IL7R: variants seen among roughly 807,000 people sequenced by gnomAD.
The protein encoded by IL7R is interleukin-7 receptor subunit alpha.
In IL7R, 38 loss-of-function variants were observed where a neutral mutation model predicts 47.0. The observed-to-expected ratio is 0.81, with a 90% confidence interval of 0.62 to 1.06. IL7R has a LOEUF of 1.06. Ranked by LOEUF, IL7R falls within the 50% of genes least tolerant of loss-of-function variation. IL7R has a pLI of 0.00. For missense variants in IL7R, 633 were observed against 534.8 expected, an observed-to-expected ratio of 1.18 and a Z score of -1.81; for synonymous variants, 221 against 199.8, an observed-to-expected ratio of 1.11 and a Z score of -0.89.
chr5:35,861,045 A>G (rs1244856550), intron 2 of IL7R, 55 bp downstream of exon 2: 7 of 1,561,716 alleles, frequency 4.5e-6, no homozygotes, highest in East Asian at 4.5e-5. Flanking sequence ...CTCTTTTCAT[A>G]TGCTCTTTTT....
At chr5:35,870,987 G>A in intron 3 of IL7R, 69 bp from the exon 4 acceptor site, 1 of 1,403,750 alleles carries the variant, frequency 7.1e-7, no homozygotes, top group South Asian at 1.2e-5. Context: ...CAGAGGAGAT[G>A]AATTTTAAAT....
At chr5:35,864,002 AT>A (rs1249298129) in intron 2 of IL7R, among the ~76,000 whole-genome samples, 1 of 152,064 alleles carries the variant, frequency 6.6e-6, no homozygotes, top group Non-Finnish European at 1.5e-5. Flanking sequence ...TATAGAACTT[AT>A]TTTTCCCCTA....
rs9282748 is a variant in IL7R at position 35,868,942 on chromosome 5, C to T, written c.379+1479C>T. On this transcript the variant is annotated intron_variant, in intron 3 of 7. Transcript: ENST00000303115. Reference sequence around the variant, plus strand: ...GCAAATCTGACATGCCTCCTCCGAACGGCAAGGGGGAGAGGTACGTATGGT... The same window carrying T: ...GCAAATCTGACATGCCTCCTCCGAATGGCAAGGGGGAGAGGTACGTATGGT... Among the ~76,000 whole-genome samples, 942 of 152,232 alleles carry T rather than the reference C, an allele frequency of 6.2e-3. 13 individuals carry two copies. The highest frequency in any genetic ancestry group is 0.022 in the African/African-American group (900 of 41,538).
At chr5:35,875,937 G>C in intron 7 of IL7R, 46 bp from the exon 8 acceptor site, 1 of 1,594,726 alleles carries the variant, frequency 6.3e-7, no homozygotes, top group Non-Finnish European at 8.5e-7. Context: ...TTGATGGTGT[G>C]TCTCTCTGGT....
intron 3 of IL7R, among the ~76,000 whole-genome samples, chr5:35,868,749 A>G (rs1267885416): frequency 6.6e-6 from 1 of 152,158 alleles, no homozygotes; most frequent in Non-Finnish European, 1.5e-5. Context: ...AAGGTCCTGG[A>G]GCATCAGGGG....
intron 4 of IL7R, chr5:35,873,141 C>T (rs371859387): frequency 3.1e-6 from 1 of 323,966 alleles, no homozygotes. Flanking sequence ...CTAACCTAAC[C>T]TAACCTTTCA....
Position 35,873,627 on chromosome 5 carries a change from C to A in IL7R, c.685C>A (p.Pro229Thr), listed in dbSNP as rs774177784. 17 of 1,613,832 alleles carry A rather than the reference C, an allele frequency of 1.1e-5. No individual in the cohort carries two copies. Among genetic ancestry groups the A allele is most frequent in the Non-Finnish European group, 1.4e-5 (17 of 1,179,878 alleles). The change falls in exon 5 of 8, where the codon CCA becomes ACA. Residue 229 changes from proline to threonine, a missense_variant. Transcript: ENST00000303115. The stretch of plus-strand genomic sequence containing the variant: ...GAGTCCAAGTTATTACTTCAGAACT[C>A]CAGAGATCAATAATAGCTCAGGTAA... Reference protein sequence around the residue: ...EWSPSYYFRTPEINNSSGEMD... With the variant: ...EWSPSYYFRTTEINNSSGEMD...
At chr5:35,858,461 A>T (rs777049865) in intron 1 of IL7R, among the ~76,000 whole-genome samples, 1 of 152,184 alleles carries the variant, frequency 6.6e-6, no homozygotes, top group Non-Finnish European at 1.5e-5. Context: ...CTTCTAGATG[A>T]CACTGGCTTG....
chr5:35,861,285 A>G (rs1487006806), intron 2 of IL7R, among the ~76,000 whole-genome samples: 2 of 151,934 alleles, frequency 1.3e-5, no homozygotes, highest in Non-Finnish European at 2.9e-5. Context: ...CTCCTACAAC[A>G]CTTCTCACCA....
Position 35,876,832 on chromosome 5 carries a change from G to A in IL7R, c.*346G>A, listed in dbSNP as rs200767455. ...AGAGCATGAGAGGAAAGAAAGAAAGGAAAATAAAAAATGATAGTTGCCATT... is the reference window on the plus strand; with the variant it reads ...AGAGCATGAGAGGAAAGAAAGAAAGAAAAATAAAAAATGATAGTTGCCATT... On this transcript the variant is annotated 3_prime_UTR_variant, in exon 8 of 8. Coordinates refer to ENST00000303115, the MANE Select transcript of IL7R (RefSeq NM_002185.5). The A allele has an allele frequency of 5.8e-6, 2 of 346,500 alleles. No homozygotes were observed. The highest frequency in any genetic ancestry group is 2.1e-5 in the African/African-American group (1 of 47,308). The allele number at this position is 346,500 out of a possible 1,614,324, so 21.5% of individuals were successfully genotyped here. A position where few individuals can be genotyped will look rare whatever the true frequency, so the allele number is the denominator to read the frequency against.
intron 1 of IL7R, 142 bp from the exon 2 acceptor site, chr5:35,860,709 TG>T (rs1310498868): frequency 1.1e-6 from 1 of 874,172 alleles, no homozygotes; most frequent in East Asian, 2.5e-5. Context: ...TCTTTGCCCT[TG>T]GGCTTTTCTT....
At chr5:35,874,948 C>A (rs1760167901) in intron 6 of IL7R, among the ~76,000 whole-genome samples, 1 of 152,154 alleles carries the variant, frequency 6.6e-6, no homozygotes, top group African/African-American at 2.4e-5. Context: ...ATGTTTTAAA[C>A]ATGCACTTGT....
chr5:35,874,525 T>C lies in IL7R; in HGVS notation c.783T>C (p.Cys261=). The change falls in exon 6 of 8, where the codon TGT becomes TGC. Residue 261 remains cysteine, a synonymous_variant. Coordinates refer to ENST00000303115, the MANE Select transcript of IL7R (RefSeq NM_002185.5). ...FSVALLVILA[C]VLWKKRIKPI... is the part of the protein sequence containing the mutation. Reference sequence around the variant, plus strand: ...TCGCTCTGTTGGTCATCTTGGCCTGTGTGTTATGGAAAAAAAGGTGACCTT... The same window carrying C: ...TCGCTCTGTTGGTCATCTTGGCCTGCGTGTTATGGAAAAAAAGGTGACCTT... 6.2e-7 allele frequency: 1 copy of C among 1,612,720 alleles called. No homozygotes were observed. Among genetic ancestry groups the C allele is most frequent in the Non-Finnish European group, 8.5e-7 (1 of 1,178,726 alleles).
intron 1 of IL7R, among the ~76,000 whole-genome samples, chr5:35,859,876 T>C (rs960350257): frequency 1.3e-5 from 2 of 152,156 alleles, no homozygotes; most frequent in Non-Finnish European, 2.9e-5. Context: ...TTGAGCACTC[T>C]GAGAATGGCT....
At chr5:35,866,221 T>G (rs1285845613) in intron 2 of IL7R, among the ~76,000 whole-genome samples, 1 of 152,172 alleles carries the variant, frequency 6.6e-6, no homozygotes, top group Non-Finnish European at 1.5e-5. Context: ...CAAATTATAT[T>G]GATTAATTTT....
rs111370546 is a variant in IL7R, at chr5:35,867,471, G to A, written c.379+8G>A. ...TAGACCTAACCACTATAGGTAAGAA[G>A]TTGTATATAAAAGTATGGTTGTCAC... On this transcript the variant is annotated splice_region_variant and intron_variant, in intron 3 of 7. Coordinates refer to ENST00000303115, the MANE Select transcript of IL7R (RefSeq NM_002185.5). The A allele has an allele frequency of 1.2e-5, 20 of 1,610,042 alleles. No individual in the cohort carries two copies. In the East Asian group the frequency reaches 2.5e-4, roughly 20 times the overall value.
chr5:35,873,977 G>A (rs775480977), intron 5 of IL7R, among the ~76,000 whole-genome samples: 12 of 152,236 alleles, frequency 7.9e-5, no homozygotes, highest in Non-Finnish European at 1.6e-4. Context: ...CTGTCTCTAA[G>A]GCCCCTTTAA....
At chr5:35,864,039 G>T (rs1394605151) in intron 2 of IL7R, among the ~76,000 whole-genome samples, 1 of 151,984 alleles carries the variant, frequency 6.6e-6, no homozygotes, top group African/African-American at 2.4e-5. Context: ...TTCCTTTCCA[G>T]TCAATCTTCA....
At chr5:35,872,118 A>G (rs1007217107) in intron 4 of IL7R, among the ~76,000 whole-genome samples, 1 of 152,184 alleles carries the variant, frequency 6.6e-6, no homozygotes, top group Non-Finnish European at 1.5e-5. Flanking sequence ...TTGAAAAGCA[A>G]CTTAGTGGAG....
Sources: allele counts gnomAD v4.1 joint callset (sites outside exome capture counted in the v4.1 genomes callset), GRCh38; gene constraint gnomAD v4.1.1; transcripts MANE v1.5; gene names NCBI Gene and HGNC (gene_info 2026-07-23, HGNC 2026-07-21).